POC1A: variants seen among roughly 807,000 people sequenced by gnomAD.
POC1A encodes the protein POC1 centriolar protein homolog A.
In POC1A, 34 loss-of-function variants were observed where a neutral mutation model predicts 47.8. That is an observed-to-expected ratio of 0.71 (90% CI 0.54 to 0.95). POC1A has a LOEUF of 0.95. Among genes scored for constraint, POC1A ranks in the 40% least tolerant of loss-of-function variants. POC1A has a pLI of 0.00. For synonymous variants in POC1A, 177 were observed against 207.6 expected (o/e 0.85, Z 1.27); for missense variants, 466 against 528.3 (o/e 0.88, Z 1.16).
intron 10 of POC1A, among the ~76,000 whole-genome samples, chr3:52,080,806 C>G (rs1202581491): frequency 6.6e-6 from 1 of 152,224 alleles, no homozygotes; most frequent in African/African-American, 2.4e-5. Context: ...GGTGGCCCAT[C>G]CCCTGAAGAC....
At chr3:52,133,355 T>C (rs1277788889) in intron 7 of POC1A, among the ~76,000 whole-genome samples, 1 of 152,170 alleles carries the variant, frequency 6.6e-6, no homozygotes, top group Non-Finnish European at 1.5e-5. Context: ...TTTCTGTTCT[T>C]GATAAGTTAC....
chr3:52,123,150 GGCACACAGGAAGTACTCA>G lies in POC1A; in HGVS notation c.883-691_883-674del, dbSNP rs532236612. On this transcript the variant is annotated intron_variant, in intron 8 of 10. Coordinates refer to ENST00000296484, the MANE Select transcript of POC1A (RefSeq NM_015426.5). The stretch of plus-strand genomic sequence containing the variant: ...CACAGGAGACAGCCTGGTGGACACG[GGCACACAGGAAGTACTCA>G]GCAACACACTCGTCATCCCAAGGCT... Among the ~76,000 whole-genome samples the G allele has an allele frequency of 1.2e-4, 19 of 152,314 alleles. No individual in the cohort carries two copies. In the South Asian group the frequency reaches 3.9e-3, roughly 32 times the overall value.
chr3:52,148,005 A>G (rs946443150), intron 4 of POC1A, among the ~76,000 whole-genome samples: 5 of 152,214 alleles, frequency 3.3e-5, no homozygotes, highest in African/African-American at 7.2e-5. Flanking sequence ...GTGAGCACAG[A>G]GCAGCCTCAT....
At chr3:52,147,877 C>T (rs1262615170) in intron 4 of POC1A, among the ~76,000 whole-genome samples, 5 of 152,100 alleles carry the variant, frequency 3.3e-5, no homozygotes, top group African/African-American at 1.2e-4. Flanking sequence ...AGCCCCTCTC[C>T]CATCCCAACA....
chr3:52,082,728 C>T (rs1702341628), intron 10 of POC1A, among the ~76,000 whole-genome samples: 1 of 152,074 alleles, frequency 6.6e-6, no homozygotes, highest in South Asian at 2.1e-4. Context: ...AAATGACAGG[C>T]TTTTATTTTT....
chr3:52,086,112 T>C (rs1262553662), intron 10 of POC1A, among the ~76,000 whole-genome samples: 1 of 152,204 alleles, frequency 6.6e-6, no homozygotes, highest in African/African-American at 2.4e-5. Flanking sequence ...GCCCCCATGA[T>C]GTCTCCCTGG....
In POC1A at chr3:52,079,248, G is replaced by T. The variant is rs1011255353; in HGVS notation, c.1126-3263C>A. Among the ~76,000 whole-genome samples the T allele has an allele frequency of 3.3e-5, 5 of 152,236 alleles. No individual in the cohort carries two copies. The highest frequency in any genetic ancestry group is 2.6e-4 in the Admixed American group (4 of 15,290). ...AATACATGCTACCTCGGTGTACACA[G>T]GCCACTGCCATTTCCACCTGCTGCC... On this transcript the variant is annotated intron_variant, in intron 10 of 10. Coordinates refer to ENST00000296484, the MANE Select transcript of POC1A (RefSeq NM_015426.5). This position sits in a 1 kb window ranked among gnomAD's most constrained non-coding sequence, Gnocchi z 4.6.
chr3:52,098,137 GGC>G (rs1702882231), intron 9 of POC1A, among the ~76,000 whole-genome samples: 1 of 152,182 alleles, frequency 6.6e-6, no homozygotes, highest in Non-Finnish European at 1.5e-5. Flanking sequence ...CAAACGGCTG[GGC>G]TGTGAGAGGT....
At chr3:52,147,837 T>C (rs1428756585) in intron 4 of POC1A, among the ~76,000 whole-genome samples, 1 of 152,220 alleles carries the variant, frequency 6.6e-6, no homozygotes, top group Non-Finnish European at 1.5e-5. Context: ...GCTCTTGTTT[T>C]CGTTTTCTTA....
At chr3:52,150,017 C>T in intron 2 of POC1A, 30 bp from the exon 3 acceptor site, 1 of 1,584,216 alleles carries the variant, frequency 6.3e-7, no homozygotes, top group Non-Finnish European at 8.6e-7. Flanking sequence ...CTATGACCTA[C>T]AGCTCTAACA....
intron 9 of POC1A, among the ~76,000 whole-genome samples, chr3:52,101,046 G>C (rs1287830122): frequency 2.8e-5 from 4 of 143,312 alleles, no homozygotes; most frequent in Non-Finnish European, 6.0e-5. Context: ...GTCTGCTTAA[G>C]ACTGAAGCTG....
chr3:52,091,471 T>C (rs746976876), intron 10 of POC1A, among the ~76,000 whole-genome samples: 3 of 152,226 alleles, frequency 2.0e-5, no homozygotes, highest in Non-Finnish European at 2.9e-5. Context: ...CCCTGTTGCC[T>C]AGGTCCAGGT....
chr3:52,116,385 T>C (rs1318231451), intron 9 of POC1A, among the ~76,000 whole-genome samples: 1 of 152,190 alleles, frequency 6.6e-6, no homozygotes, highest in East Asian at 1.9e-4. Context: ...TCAGTTCAGA[T>C]GTTCTCAACT....
intron 7 of POC1A, among the ~76,000 whole-genome samples, chr3:52,126,954 A>G (rs1017702153): frequency 7.9e-5 from 12 of 152,212 alleles, no homozygotes; most frequent in Admixed American, 2.0e-4. Context: ...ACACATTCTA[A>G]TCACACTACC....
chr3:52,146,892 G>A (rs978807469), intron 5 of POC1A, 96 bp downstream of exon 5: 11 of 987,274 alleles, frequency 1.1e-5, no homozygotes, highest in South Asian at 5.2e-5. Context: ...CTGGTCCCAC[G>A]GCTCCAGCCA....
In POC1A at chr3:52,146,329, C is replaced by A. The variant is rs527267591; in HGVS notation, c.564-368G>T. Reference sequence around the variant, plus strand: ...GCAGGGCAGATCCTGCCAGCTGAGGCACAGGTGGGAAGGTCCAGCAGGACT... The same window carrying A: ...GCAGGGCAGATCCTGCCAGCTGAGGAACAGGTGGGAAGGTCCAGCAGGACT... On this transcript the variant is annotated intron_variant, in intron 5 of 10. Coordinates refer to ENST00000296484, the MANE Select transcript of POC1A (RefSeq NM_015426.5). Among the ~76,000 whole-genome samples the A allele has an allele frequency of 2.0e-5, 3 of 152,366 alleles. No individual in the cohort carries two copies. In the East Asian group the frequency reaches 5.8e-4, roughly 29 times the overall value.
intron 6 of POC1A, among the ~76,000 whole-genome samples, chr3:52,143,422 A>G (rs1415948355): frequency 6.6e-6 from 1 of 150,806 alleles, no homozygotes; most frequent in Non-Finnish European, 1.5e-5. Flanking sequence ...CCTCCTGACA[A>G]CCCTCTTCAC....
chr3:52,085,718 G>A (rs1310684479), intron 10 of POC1A, among the ~76,000 whole-genome samples: 7 of 152,236 alleles, frequency 4.6e-5, no homozygotes, highest in African/African-American at 1.4e-4. Context: ...GGTTCAAAGG[G>A]AAACTTGACC....
rs1009548983 is a variant in POC1A at position 52,107,102 on chromosome 3, T to G, written c.982-10390A>C. Among the ~76,000 whole-genome samples the G allele has an allele frequency of 3.3e-5, 5 of 152,316 alleles. No individual in the cohort carries two copies. In the East Asian group the frequency reaches 7.7e-4, roughly 23 times the overall value. ...GCAGGGAGGTGACGGCTAAGTAACT[T>G]CAAACCAGTAGAGGCAGTGAGGAAG... On this transcript the variant is annotated intron_variant, in intron 9 of 10. Coordinates refer to ENST00000296484, the MANE Select transcript of POC1A (RefSeq NM_015426.5).
Sources: allele counts gnomAD v4.1 joint callset (sites outside exome capture counted in the v4.1 genomes callset), GRCh38; gene constraint gnomAD v4.1.1; non-coding constraint Gnocchi (gnomAD v3.1); transcripts MANE v1.5; gene names NCBI Gene and HGNC (gene_info 2026-07-23, HGNC 2026-07-21).